Variants in PIEZO2 observed in about 807,000 individuals in gnomAD.
PIEZO2 encodes piezo type mechanosensitive ion channel component 2.
Under a neutral mutation model 337.3 loss-of-function variants are expected in PIEZO2, and 172 were observed. The ratio of observed to expected loss-of-function variants is 0.51; its 90% CI spans 0.45 to 0.58. PIEZO2 has a LOEUF of 0.58. Among genes scored for constraint, PIEZO2 ranks in the 20% least tolerant of loss-of-function variants. The pLI is 0.00. For synonymous variants in PIEZO2, 1,251 were observed against 1,228.5 expected (o/e 1.02, Z -0.38); for missense variants, 3,028 against 3,391.3 (o/e 0.89, Z 2.66).
Position 10,839,067 on chromosome 18 carries a change from G to C in PIEZO2, c.917+16286C>G, listed in dbSNP as rs567946985. On this transcript the variant is annotated intron_variant, in intron 7 of 55. Coordinates refer to ENST00000674853, the MANE Select transcript of PIEZO2 (RefSeq NM_001378183.1). Reference sequence around the variant, plus strand: ...GAGGGAGAGTAATGGCAAGTGGAGGGTTCCTCTGATGAGTTACATGTCAAC... The same window carrying C: ...GAGGGAGAGTAATGGCAAGTGGAGGCTTCCTCTGATGAGTTACATGTCAAC... Among the ~76,000 whole-genome samples, 5 of 152,284 alleles carry C rather than the reference G, an allele frequency of 3.3e-5. No homozygotes were observed. In the East Asian group the frequency reaches 9.6e-4, roughly 29 times the overall value.
chr18:10,834,822 A>G lies in PIEZO2; in HGVS notation c.917+20531T>C, dbSNP rs1247095368. ...TTTCTTCCCCGCTAGCTTTCACAAG[A>G]AACTCCAGTGCCCTTTTCCCACACC... On this transcript the variant is annotated intron_variant, in intron 7 of 55. Transcript: ENST00000674853. This position sits in a 1 kb window ranked among gnomAD's most constrained non-coding sequence, Gnocchi z 4.5. Among the ~76,000 whole-genome samples, 1 of 152,218 alleles carries G rather than the reference A, an allele frequency of 6.6e-6. No individual in the cohort carries two copies. The highest frequency in any genetic ancestry group is 2.4e-5 in the African/African-American group (1 of 41,446).
chr18:10,678,093 A>C (rs2034094393), intron 52 of PIEZO2, among the ~76,000 whole-genome samples: 1 of 152,350 alleles, frequency 6.6e-6, no homozygotes, highest in African/African-American at 2.4e-5. Flanking sequence ...CTTTTAAAAC[A>C]GAGTTGAAGG....
rs2038266136 is a variant in PIEZO2 at position 11,069,544 on chromosome 18, T to C, written c.65-3322A>G. On this transcript the variant is annotated intron_variant, in intron 1 of 55. Transcript: ENST00000674853. This position sits in a 1 kb window ranked among gnomAD's most constrained non-coding sequence, Gnocchi z 4.9. The stretch of plus-strand genomic sequence containing the variant: ...ATGGACTTCAACACAATAAAGGCCA[T>C]ATGTAACACACACACAGCTAATATC... Among the ~76,000 whole-genome samples, 1 of 152,204 alleles carries C rather than the reference T, an allele frequency of 6.6e-6. No homozygotes were observed. The highest frequency in any genetic ancestry group is 2.1e-4 in the South Asian group (1 of 4,830).
intron 3 of PIEZO2, among the ~76,000 whole-genome samples, chr18:10,938,159 G>A (rs1184522074): frequency 6.6e-6 from 1 of 152,206 alleles, no homozygotes; most frequent in African/African-American, 2.4e-5. Flanking sequence ...GGGATCAGAA[G>A]ACCTGTGGTT....
chr18:10,918,011 C>T (rs1185714360), intron 3 of PIEZO2, among the ~76,000 whole-genome samples: 3 of 152,070 alleles, frequency 2.0e-5, no homozygotes, highest in African/African-American at 4.8e-5. Context: ...TAGATTTTTC[C>T]TCTCAATTAA....
At position 11,048,781 on chromosome 18, in the gene PIEZO2, A is replaced by G. The variant is rs2037413404; in HGVS notation, c.160+17346T>C. Among the ~76,000 whole-genome samples, 1 of 152,226 alleles carries G rather than the reference A, an allele frequency of 6.6e-6. No individual in the cohort carries two copies. The highest frequency in any genetic ancestry group is 1.5e-5 in the Non-Finnish European group (1 of 68,030). On this transcript the variant is annotated intron_variant, in intron 2 of 55. Transcript: ENST00000674853. This position sits in a 1 kb window ranked among gnomAD's most constrained non-coding sequence, Gnocchi z 4.5. The stretch of plus-strand genomic sequence containing the variant: ...TGGGTATGGAAGCATTAAATGAATT[A>G]CTATGTAGAAAGCTTGGGACAGTTG...
At chr18:10,772,437 G>C (rs1011784901) in intron 20 of PIEZO2, among the ~76,000 whole-genome samples, 1 of 152,164 alleles carries the variant, frequency 6.6e-6, no homozygotes. Flanking sequence ...TTAAGTCCTT[G>C]GCCTCACAGA....
chr18:10,921,816 G>GTA (rs2031429803), intron 3 of PIEZO2, among the ~76,000 whole-genome samples: 1 of 152,162 alleles, frequency 6.6e-6, no homozygotes, highest in South Asian at 2.1e-4. Flanking sequence ...TCGCCTGAGG[G>GTA]TGGGTCTCTG....
rs553208063 is a variant in PIEZO2 at position 10,781,922 on chromosome 18, A to C, written c.2493-1556T>G. Among the ~76,000 whole-genome samples the C allele has an allele frequency of 3.1e-4, 47 of 152,192 alleles. No homozygotes were observed. Among genetic ancestry groups the C allele is most frequent in the Non-Finnish European group, 4.9e-4 (33 of 68,008 alleles). On this transcript the variant is annotated intron_variant, in intron 17 of 55. Coordinates refer to ENST00000674853, the MANE Select transcript of PIEZO2 (RefSeq NM_001378183.1). This position sits in a 1 kb window ranked among gnomAD's most constrained non-coding sequence, Gnocchi z 4.1. ...GCAGGAGCAGAGAAAGCAAAGCCTGACAGTCAATCCTAACTCTCAAAATAT... is the reference window on the plus strand; with the variant it reads ...GCAGGAGCAGAGAAAGCAAAGCCTGCCAGTCAATCCTAACTCTCAAAATAT...
In PIEZO2 at chr18:11,143,675, T is replaced by TCA. The variant is rs1448248572; in HGVS notation, c.64+4849_64+4850insTG. 2.3e-4 allele frequency among the ~76,000 whole-genome samples: 20 copies of TCA among 85,140 alleles called. No homozygotes were observed. Among genetic ancestry groups the TCA allele is most frequent in the Middle Eastern group, 5.7e-3 (1 of 174 alleles). 55.9% of individuals were successfully genotyped at this position (85,140 alleles called of 152,430 possible). On this transcript the variant is annotated intron_variant, in intron 1 of 55. Transcript: ENST00000674853. This position sits in a 1 kb window ranked among gnomAD's most constrained non-coding sequence, Gnocchi z 4.9. ...CTCTCTCTCTCTCTCTCTCTCTCAC[T>TCA]CTCTCTCTCTCACATAATTTGGCTC...
At chr18:10,765,211 G>A (rs879591389) in intron 21 of PIEZO2, among the ~76,000 whole-genome samples, 17 of 152,194 alleles carry the variant, frequency 1.1e-4, no homozygotes, top group Admixed American at 1.0e-3. Context: ...CGAATAAACA[G>A]GAGTTAGACA....
chr18:11,128,486 A>G lies in PIEZO2; in HGVS notation c.64+20039T>C, dbSNP rs1257897587. Among the ~76,000 whole-genome samples, 4 of 152,204 alleles carry G rather than the reference A, an allele frequency of 2.6e-5. No homozygotes were observed. Among genetic ancestry groups the G allele is most frequent in the Admixed American group, 1.3e-4 (2 of 15,274 alleles). On this transcript the variant is annotated intron_variant, in intron 1 of 55. Transcript: ENST00000674853. The surrounding 1 kb of genome is among the most constrained non-coding windows in gnomAD (Gnocchi z 4.1). ...TGGGAGGACCCTGATGAAGCTGAGG[A>G]CACTGAGTTTGTAAACTCTGATGAA...
In PIEZO2 at chr18:11,127,802, C is replaced by CGTGT. The variant is rs1568397732; in HGVS notation, c.64+20722_64+20723insACAC. 2.0e-4 allele frequency among the ~76,000 whole-genome samples: 5 copies of CGTGT among 24,530 alleles called. No homozygotes were observed. The highest frequency in any genetic ancestry group is 1.0e-3 in the African/African-American group (4 of 3,888). The allele number at this position is 24,530 out of a possible 152,430, so 16.1% of individuals were successfully genotyped here. ...ATGCATATACGTGTGTGTGTGTGTG[C>CGTGT]ATGTGTGTGTGTGTGTGTGTGTGTA... On this transcript the variant is annotated intron_variant, in intron 1 of 55. Coordinates refer to ENST00000674853, the MANE Select transcript of PIEZO2 (RefSeq NM_001378183.1). This position sits in a 1 kb window ranked among gnomAD's most constrained non-coding sequence, Gnocchi z 4.5.
Position 11,078,069 on chromosome 18 carries a change from A to C in PIEZO2, c.65-11847T>G, listed in dbSNP as rs906555140. On this transcript the variant is annotated intron_variant, in intron 1 of 55. Transcript: ENST00000674853. This position sits in a 1 kb window ranked among gnomAD's most constrained non-coding sequence, Gnocchi z 5.3. ...ACCCACACACACACACACACACACC[A>C]CACACACAAAAACAAACATACACAC... Among the ~76,000 whole-genome samples the C allele has an allele frequency of 4.0e-4, 60 of 150,312 alleles. No homozygotes were observed. The highest frequency in any genetic ancestry group is 9.3e-4 in the Admixed American group (14 of 15,010).
Position 11,112,110 on chromosome 18 carries a change from G to C in PIEZO2, c.64+36415C>G, listed in dbSNP as rs2039755346. Among the ~76,000 whole-genome samples, 2 of 152,074 alleles carry C rather than the reference G, an allele frequency of 1.3e-5. No individual in the cohort carries two copies. The highest frequency in any genetic ancestry group is 4.1e-4 in the South Asian group (2 of 4,822). On this transcript the variant is annotated intron_variant, in intron 1 of 55. Coordinates refer to ENST00000674853, the MANE Select transcript of PIEZO2 (RefSeq NM_001378183.1). This position sits in a 1 kb window ranked among gnomAD's most constrained non-coding sequence, Gnocchi z 4.3. ...TTAAACTTTAAAGATGGAGTTTCTA[G>C]GTTTCTGATGAATTCCTATGAATAC...
chr18:10,797,177 C>CTACCATCATATCATACA, intron 12 of PIEZO2, among the ~76,000 whole-genome samples, 197 bp downstream of exon 12: 1 of 145,132 alleles, frequency 6.9e-6, no homozygotes, highest in Non-Finnish European at 1.5e-5. Flanking sequence ...CATATTATAC[C>CTACCATCATATCATACA]TACCATCATA....
chr18:10,996,912 G>C (rs1023052661), intron 2 of PIEZO2, among the ~76,000 whole-genome samples: 1 of 152,254 alleles, frequency 6.6e-6, no homozygotes, highest in Middle Eastern at 3.4e-3. Context: ...CTGACCAAAG[G>C]AGCTGTGGGG....
chr18:10,832,386 T>C (rs567974790), intron 7 of PIEZO2, among the ~76,000 whole-genome samples: 3 of 152,332 alleles, frequency 2.0e-5, no homozygotes, highest in Admixed American at 2.0e-4. Context: ...AATGTGGGTA[T>C]CTTATTCATT....
In PIEZO2 at chr18:11,126,134, GGTAGCTGAGCCATAT is replaced by G. The variant is rs1490063404; in HGVS notation, c.64+22376_64+22390del. Among the ~76,000 whole-genome samples, 1 of 152,220 alleles carries G rather than the reference GGTAGCTGAGCCATAT, an allele frequency of 6.6e-6. No homozygotes were observed. The highest frequency in any genetic ancestry group is 2.4e-5 in the African/African-American group (1 of 41,456). ...ATGCCCACCAGAGGCCTGCAGCACA[GGTAGCTGAGCCATAT>G]GCTCCCCCGCATAGAGACTGGTTGC... On this transcript the variant is annotated intron_variant, in intron 1 of 55. Transcript: ENST00000674853. This position sits in a 1 kb window ranked among gnomAD's most constrained non-coding sequence, Gnocchi z 4.6.
Sources: gnomAD v4.1 joint callset for allele counts (sites outside exome capture counted in the v4.1 genomes callset) on GRCh38, gnomAD v4.1.1 for gene constraint, Gnocchi (gnomAD v3.1) non-coding constraint, MANE v1.5 for transcripts, NCBI Gene and HGNC (gene_info 2026-07-23, HGNC 2026-07-21) for gene names.